The following EEF1E1 variants were observed in gnomAD, a reference collection of about 807,000 sequenced individuals.
EEF1E1 encodes the protein eukaryotic translation elongation factor 1 epsilon 1.
Under a neutral mutation model 19.9 loss-of-function variants are expected in EEF1E1, and 19 were observed. That is an observed-to-expected ratio of 0.95 (90% CI 0.66 to 1.40). The LOEUF (loss-of-function observed/expected upper bound fraction) is 1.40. Ranked by LOEUF, EEF1E1 falls within the 40% of genes most tolerant of loss-of-function variation. EEF1E1 has a pLI of 0.00. For synonymous variants in EEF1E1, 81 were observed against 80.0 expected (o/e 1.01, Z -0.07); for missense variants, 198 against 202.2 (o/e 0.98, Z 0.13).
intron 2 of EEF1E1, among the ~76,000 whole-genome samples, chr6:8,093,214 A>G (rs1185351835): frequency 6.6e-6 from 1 of 151,962 alleles, no homozygotes; most frequent in African/African-American, 2.4e-5. Flanking sequence ...TGATTAGGTA[A>G]TATTTTCTGG....
chr6:8,084,688 G>C (rs142036578), intron 3 of EEF1E1, among the ~76,000 whole-genome samples: 1 of 152,170 alleles, frequency 6.6e-6, no homozygotes, highest in Non-Finnish European at 1.5e-5. Flanking sequence ...AAAGTTAAAT[G>C]TCAAACCATA....
intron 3 of EEF1E1, 154 bp downstream of exon 3, chr6:8,090,032 G>C (rs1757973192): frequency 2.1e-6 from 1 of 467,486 alleles, no homozygotes; most frequent in Non-Finnish European, 3.7e-6. Flanking sequence ...TGCACAACGT[G>C]CAGGTTTGTT....
intron 1 of EEF1E1, 52 bp from the exon 2 acceptor site, chr6:8,097,519 G>A (rs1221958590): frequency 1.4e-6 from 2 of 1,462,860 alleles, no homozygotes. Flanking sequence ...ACCACATCAT[G>A]ATTATAACTT....
At chr6:8,080,998 A>G (rs1487752006) in intron 3 of EEF1E1, among the ~76,000 whole-genome samples, 1 of 152,264 alleles carries the variant, frequency 6.6e-6, no homozygotes, top group Non-Finnish European at 1.5e-5. Flanking sequence ...CATTCTGCTA[A>G]GTTACCAGAT....
intron 2 of EEF1E1, among the ~76,000 whole-genome samples, chr6:8,094,566 A>G (rs1285116538): frequency 2.1e-5 from 3 of 141,392 alleles, no homozygotes; most frequent in Non-Finnish European, 4.7e-5. Context: ...GCAAGACTCT[A>G]TTTAAAAAAA....
At chr6:8,099,780 AC>A (rs57064275) in intron 1 of EEF1E1, among the ~76,000 whole-genome samples, 2,224 of 124,952 alleles carry the variant, frequency 0.018, 90 homozygotes, top group African/African-American at 0.037. Context: ...ACACACACAC[AC>A]ACACACACAC....
rs139775235 is a variant in EEF1E1, at chr6:8,088,373, A to G, written c.384+1813T>C. ...ATGGTTTGGCTGTGTACCCACCCAC[A>G]TCTCATTTTGAAATGTAACTTCCAC... is the stretch of plus-strand genomic sequence containing the variant. On this transcript the variant is annotated intron_variant, in intron 3 of 3. Coordinates refer to ENST00000379715, the MANE Select transcript of EEF1E1 (RefSeq NM_004280.5). 1.5e-3 allele frequency among the ~76,000 whole-genome samples: 223 copies of G among 152,314 alleles called. 2 individuals carry two copies. Among genetic ancestry groups the G allele is most frequent in the African/African-American group, 5.1e-3 (212 of 41,564 alleles).
At chr6:8,101,945 C>A (rs1008372531) in intron 1 of EEF1E1, 2 of 1,243,338 alleles carry the variant, frequency 1.6e-6, no homozygotes, top group Non-Finnish European at 2.1e-6. Context: ...GTCCACCTGG[C>A]CAAAAAGCAA....
At chr6:8,080,094 C>T (rs1295138451) in intron 3 of EEF1E1, 64 bp from the exon 4 acceptor site, 2 of 1,552,384 alleles carry the variant, frequency 1.3e-6, no homozygotes, top group African/African-American at 2.7e-5. Context: ...CTGTTAATAT[C>T]ACTTAAGTAG....
chr6:8,093,971 T>C (rs1758094598), intron 2 of EEF1E1, among the ~76,000 whole-genome samples: 2 of 152,010 alleles, frequency 1.3e-5, no homozygotes, highest in Non-Finnish European at 2.9e-5. Flanking sequence ...CTAATTTTTC[T>C]GTTTTTAGCA....
intron 1 of EEF1E1, 129 bp downstream of exon 1, chr6:8,102,306 G>T: frequency 9.7e-7 from 1 of 1,029,546 alleles, no homozygotes; most frequent in Non-Finnish European, 1.4e-6. Context: ...TAGCGGCGCA[G>T]ACACGTGGGG....
chr6:8,073,519 G>A, intron 3 of EEF1E1: 2 of 1,551,502 alleles, frequency 1.3e-6, no homozygotes, highest in Non-Finnish European at 1.7e-6. Flanking sequence ...ATCTGCAAAA[G>A]GGGATAAAAA....
chr6:8,087,030 G>C (rs998556165), intron 3 of EEF1E1, among the ~76,000 whole-genome samples: 1 of 152,176 alleles, frequency 6.6e-6, no homozygotes, highest in Non-Finnish European at 1.5e-5. Flanking sequence ...ATGCAGCCGA[G>C]GAATGAGTGG....
chr6:8,086,118 G>A (rs1159296025), intron 3 of EEF1E1, among the ~76,000 whole-genome samples: 1 of 152,044 alleles, frequency 6.6e-6, no homozygotes, highest in Non-Finnish European at 1.5e-5. Flanking sequence ...AGGGATCTTT[G>A]AGGAACAATT....
intron 3 of EEF1E1, among the ~76,000 whole-genome samples, chr6:8,083,428 T>C (rs575596589): frequency 6.6e-6 from 1 of 152,196 alleles, no homozygotes; most frequent in African/African-American, 2.4e-5. Flanking sequence ...AAGCAGCACA[T>C]AATATTACAA....
intron 2 of EEF1E1, among the ~76,000 whole-genome samples, chr6:8,092,787 G>T (rs1758048598): frequency 6.7e-6 from 1 of 148,214 alleles, no homozygotes; most frequent in African/African-American, 2.5e-5. Flanking sequence ...AGTATTTAAA[G>T]ACCTGAAACA....
At chr6:8,096,326 A>T (rs1758173840) in intron 2 of EEF1E1, among the ~76,000 whole-genome samples, 1 of 152,192 alleles carries the variant, frequency 6.6e-6, no homozygotes, top group Non-Finnish European at 1.5e-5. Flanking sequence ...TTCCCCCTGG[A>T]AATGCTGTGA....
intron 2 of EEF1E1, among the ~76,000 whole-genome samples, chr6:8,091,163 T>G (rs966563763): frequency 6.6e-6 from 1 of 152,190 alleles, no homozygotes; most frequent in African/African-American, 2.4e-5. Context: ...AGGGTTACAA[T>G]TTCTTCATAT....
intron 2 of EEF1E1, among the ~76,000 whole-genome samples, chr6:8,092,651 C>T (rs970296670): frequency 6.6e-6 from 1 of 152,058 alleles, no homozygotes; most frequent in Non-Finnish European, 1.5e-5. Context: ...TTTTATGGTA[C>T]TCTGTTGAAT....
Sources: allele counts gnomAD v4.1 joint callset (sites outside exome capture counted in the v4.1 genomes callset), GRCh38; gene constraint gnomAD v4.1.1; transcripts MANE v1.5; gene names NCBI Gene and HGNC (gene_info 2026-07-23, HGNC 2026-07-21).